The following CFAP299 variants were observed in gnomAD, a reference collection of about 807,000 sequenced individuals.
The protein encoded by CFAP299 is cilia and flagella associated protein 299.
A neutral mutation model predicts 27.0 loss-of-function variants in CFAP299; 21 were observed. That is an observed-to-expected ratio of 0.78 (90% CI 0.55 to 1.12). The LOEUF is 1.12. Among genes scored for constraint, CFAP299 ranks in the 50% most tolerant of loss-of-function variants. The probability of loss-of-function intolerance (pLI) is 0.00; values close to 1 mark genes in which losing one functional copy is unlikely to be tolerated. For synonymous variants in CFAP299, 104 were observed against 98.1 expected, an observed-to-expected ratio of 1.06 and a Z score of -0.36; for missense variants, 310 against 276.6, an observed-to-expected ratio of 1.12 and a Z score of -0.86.
chr4:80,924,812 C>T (rs1736227877), intron 4 of CFAP299, among the ~76,000 whole-genome samples: 2 of 151,260 alleles, frequency 1.3e-5, no homozygotes, highest in African/African-American at 4.8e-5. Context: ...AAGACAAAAT[C>T]ATTTTATTTT....
upstream of CFAP299, among the ~76,000 whole-genome samples, chr4:80,332,388 G>A (rs992511426): frequency 6.6e-6 from 1 of 152,038 alleles, no homozygotes; most frequent in East Asian, 1.9e-4. Flanking sequence ...GAGCTGGGGT[G>A]GGGAGGGAGA....
intron 3 of CFAP299, among the ~76,000 whole-genome samples, chr4:80,718,052 T>C (rs1244171004): frequency 6.6e-6 from 1 of 152,076 alleles, no homozygotes; most frequent in Non-Finnish European, 1.5e-5. Context: ...ACCAGAGTAT[T>C]TATAGCTCAG....
At chr4:80,745,978 C>T (rs1365787390) in intron 3 of CFAP299, among the ~76,000 whole-genome samples, 2 of 151,966 alleles carry the variant, frequency 1.3e-5, no homozygotes, top group East Asian at 1.9e-4. Flanking sequence ...ATTTCTAATT[C>T]ATTTGTTTCC....
intron 2 of CFAP299, among the ~76,000 whole-genome samples, chr4:80,503,755 G>A (rs1179603322): frequency 6.6e-6 from 1 of 152,114 alleles, no homozygotes; most frequent in Non-Finnish European, 1.5e-5. Context: ...GAGAGCAGAG[G>A]TTACCTTACT....
At chr4:80,782,990 G>A (rs1461771540) in intron 3 of CFAP299, among the ~76,000 whole-genome samples, 1 of 151,866 alleles carries the variant, frequency 6.6e-6, no homozygotes, top group East Asian at 1.9e-4. Flanking sequence ...ATCAGGCAGA[G>A]TAGATTAGTT....
chr4:80,836,270 C>T (rs77881923), intron 3 of CFAP299, among the ~76,000 whole-genome samples: 11,441 of 152,148 alleles, frequency 0.075, 477 homozygotes, highest in African/African-American at 0.096. Context: ...GTATTGCTTT[C>T]TATGCTGCTT....
At chr4:80,409,811 A>T (rs1366636446) in intron 2 of CFAP299, among the ~76,000 whole-genome samples, 1 of 152,194 alleles carries the variant, frequency 6.6e-6, no homozygotes, top group African/African-American at 2.4e-5. Flanking sequence ...TAGAAAGAGC[A>T]CTATATTTTT....
At position 80,590,704 on chromosome 4, in the gene CFAP299, G is replaced by A. The variant is rs377667425; in HGVS notation, c.333+7521G>A. On this transcript the variant is annotated intron_variant, in intron 3 of 5. Transcript: ENST00000358105. Reference sequence around the variant, plus strand: ...TTATTATTTAAAATGTTTATATAAAGTTCAAAAACTGACACAATAATTAAA... The same window carrying A: ...TTATTATTTAAAATGTTTATATAAAATTCAAAAACTGACACAATAATTAAA... Among the ~76,000 whole-genome samples the A allele has an allele frequency of 2.3e-4, 35 of 152,212 alleles. No individual in the cohort carries two copies. The South Asian group carries it at 6.2e-3, about 27-fold the overall frequency.
intron 3 of CFAP299, among the ~76,000 whole-genome samples, chr4:80,689,733 A>G (rs962921556): frequency 9.2e-5 from 14 of 152,216 alleles, no homozygotes; most frequent in Non-Finnish European, 1.9e-4. Context: ...CTCCAATTAA[A>G]AGACATAGAC....
At chr4:80,376,002 C>T (rs1212034341) in intron 2 of CFAP299, among the ~76,000 whole-genome samples, 1 of 152,190 alleles carries the variant, frequency 6.6e-6, no homozygotes, top group Non-Finnish European at 1.5e-5. Flanking sequence ...TGAGTTCTGA[C>T]AAATGTATAC....
intron 2 of CFAP299, among the ~76,000 whole-genome samples, chr4:80,453,303 C>T (rs553803894): frequency 1.3e-5 from 2 of 152,106 alleles, no homozygotes; most frequent in East Asian, 3.9e-4. Context: ...TAATAAGCAA[C>T]AGAGTTTTCT....
At chr4:80,387,128 C>T (rs1289413588) in intron 2 of CFAP299, 5 of 1,425,440 alleles carry the variant, frequency 3.5e-6, no homozygotes, top group South Asian at 1.1e-5. Context: ...TTTGTTGACA[C>T]GTTTGACACA....
chr4:80,771,950 A>G (rs1001553178), intron 3 of CFAP299, among the ~76,000 whole-genome samples: 1 of 152,138 alleles, frequency 6.6e-6, no homozygotes, highest in African/African-American at 2.4e-5. Context: ...TAGAATTTTT[A>G]TTGTTATAGC....
intron 3 of CFAP299, among the ~76,000 whole-genome samples, chr4:80,806,594 T>A (rs1728877537): frequency 6.6e-6 from 1 of 152,186 alleles, no homozygotes; most frequent in Non-Finnish European, 1.5e-5. Context: ...CAATTTGCAG[T>A]GTCATTGCAA....
chr4:80,692,352 G>A (rs551551445), intron 3 of CFAP299, among the ~76,000 whole-genome samples: 3 of 152,212 alleles, frequency 2.0e-5, no homozygotes, highest in Non-Finnish European at 4.4e-5. Flanking sequence ...CAGAGATATA[G>A]ATCAATGGAA....
At chr4:80,682,797 T>C (rs969212531) in intron 3 of CFAP299, among the ~76,000 whole-genome samples, 1 of 152,130 alleles carries the variant, frequency 6.6e-6, no homozygotes, top group Non-Finnish European at 1.5e-5. Flanking sequence ...TAGGCCTCCT[T>C]CCAGTCTTGT....
intron 2 of CFAP299, among the ~76,000 whole-genome samples, chr4:80,436,606 T>C (rs966053255): frequency 6.6e-6 from 1 of 152,172 alleles, no homozygotes; most frequent in African/African-American, 2.4e-5. Context: ...CTGGCCAAAA[T>C]GTGGGATTTA....
At chr4:80,362,731 C>G in intron 1 of CFAP299, 23 bp from the exon 2 acceptor site, 1 of 1,583,270 alleles carries the variant, frequency 6.3e-7, no homozygotes, top group Non-Finnish European at 8.5e-7. Flanking sequence ...GCCCACTCAC[C>G]TAACAACTGA....
chr4:80,731,200 A>T (rs1723500494), intron 3 of CFAP299, among the ~76,000 whole-genome samples: 1 of 152,148 alleles, frequency 6.6e-6, no homozygotes, highest in Non-Finnish European at 1.5e-5. Context: ...ATTTTATTTT[A>T]ACTTCTGATG....
Sources: gnomAD v4.1 joint callset for allele counts (sites outside exome capture counted in the v4.1 genomes callset) on GRCh38, gnomAD v4.1.1 for gene constraint, MANE v1.5 for transcripts, NCBI Gene and HGNC (gene_info 2026-07-23, HGNC 2026-07-21) for gene names.